Variants in NOL9 observed in about 807,000 individuals in gnomAD.
The protein encoded by NOL9 is polynucleotide 5'-hydroxyl-kinase NOL9.
Under a neutral mutation model 67.9 loss-of-function variants are expected in NOL9, and 28 were observed. The observed-to-expected ratio is 0.41, with a 90% CI of 0.31 to 0.57. The LOEUF is 0.57. NOL9 is among the 20% of genes least tolerant of loss of function. The pLI, the probability that NOL9 is intolerant of heterozygous loss-of-function variation, is 0.25. For missense variants in NOL9, 777 were observed against 897.0 expected (o/e 0.87, Z 1.71); for synonymous variants, 356 against 352.2 (o/e 1.01, Z -0.12).
Position 6,540,261 on chromosome 1 carries a change from T to A in NOL9, c.1075+1569A>T, listed in dbSNP as rs1639253342. ...CCTCAGCCTCCCAAGTAGCTGGGAC[T>A]ACAGGCGCCCGCCACTACGCCTGGC... On this transcript the variant is annotated intron_variant, in intron 6 of 11. Transcript: ENST00000377705. Among the ~76,000 whole-genome samples, 5 of 150,818 alleles carry A rather than the reference T, an allele frequency of 3.3e-5. No individual in the cohort carries two copies. The South Asian group carries it at 1.0e-3, about 32-fold the overall frequency.
intron 10 of NOL9, 78 bp downstream of exon 10, chr1:6,528,916 G>T: frequency 7.0e-7 from 1 of 1,428,294 alleles, no homozygotes; most frequent in Non-Finnish European, 9.7e-7. Flanking sequence ...CAGCTACAAG[G>T]TCAAGACCAG....
chr1:6,548,040 T>C (rs939513700), intron 3 of NOL9: 3 of 274,084 alleles, frequency 1.1e-5, no homozygotes, highest in Admixed American at 3.6e-5. Flanking sequence ...GTAATAAAAT[T>C]GTTTGTCTCT....
At position 6,549,668 on chromosome 1, in the gene NOL9, G is replaced by A. The variant is rs201457228; in HGVS notation, c.647C>T (p.Ser216Phe). 2.0e-5 allele frequency: 32 copies of A among 1,614,096 alleles called. No individual in the cohort carries two copies. In the East Asian group the frequency reaches 6.2e-4, roughly 31 times the overall value. Residue 216 changes from serine (S) to phenylalanine (F), a missense_variant, in exon 3 of 12, where the codon TCT (serine) becomes TTT (phenylalanine). Ser to Phe is a radical substitution (Grantham distance 155, BLOSUM62 -2). Coordinates refer to ENST00000377705, the MANE Select transcript of NOL9 (RefSeq NM_024654.5). ...TAGCAACACAATGGAACACTGAGGA[G>A]AAAAATTCTGCATCGACCAACGCCT... is the stretch of plus-strand genomic sequence containing the variant. ...DDRRWSMQNF[S>F]PQCSIVLLEH...
intron 6 of NOL9, among the ~76,000 whole-genome samples, chr1:6,534,132 C>T (rs1337811859): frequency 2.6e-5 from 4 of 152,166 alleles, no homozygotes; most frequent in Non-Finnish European, 5.9e-5. Flanking sequence ...GGTGATCCAC[C>T]CACCTCAGCC....
chr1:6,538,453 C>T (rs1162756176), intron 6 of NOL9, among the ~76,000 whole-genome samples: 2 of 152,114 alleles, frequency 1.3e-5, no homozygotes, highest in Admixed American at 6.6e-5. Flanking sequence ...AGGTGGATCA[C>T]CTGAGGTCAG....
At chr1:6,547,972 C>A in intron 3 of NOL9, 1 of 274,268 alleles carries the variant, frequency 3.6e-6, no homozygotes, top group South Asian at 3.9e-5. Flanking sequence ...CTACAATACA[C>A]CGTCATAGGC....
chr1:6,530,176 G>A (rs1028043781), intron 9 of NOL9, among the ~76,000 whole-genome samples: 1 of 152,124 alleles, frequency 6.6e-6, no homozygotes, highest in East Asian at 1.9e-4. Flanking sequence ...AATGTGGGCC[G>A]GGTGCAGAGG....
intron 2 of NOL9, among the ~76,000 whole-genome samples, chr1:6,549,899 T>C (rs548022213): frequency 6.6e-6 from 1 of 152,338 alleles, no homozygotes; most frequent in South Asian, 2.1e-4. Context: ...ATAATAATTC[T>C]GTGGCCTTGA....
chr1:6,532,618 G>A lies in NOL9; in HGVS notation c.1380C>T (p.Ser460=). The A allele has an allele frequency of 6.2e-7, 1 of 1,614,164 alleles. No individual in the cohort carries two copies. The highest frequency in any genetic ancestry group is 8.5e-7 in the Non-Finnish European group (1 of 1,180,046). ...AACGTCGATTTCTCATCTTGGTCTTGCTTTTTGTGTACAAGCCATCCATGT... is the reference window on the plus strand; with the variant it reads ...AACGTCGATTTCTCATCTTGGTCTTACTTTTTGTGTACAAGCCATCCATGT... ...VDDMDGLYTK[S]KTKMRNRRFR... The change falls in exon 8 of 12, where the codon AGC becomes AGT. Residue 460 remains serine, a synonymous_variant. Transcript: ENST00000377705.
At chr1:6,542,660 T>C (rs540257228) in intron 5 of NOL9, among the ~76,000 whole-genome samples, 9 of 151,242 alleles carry the variant, frequency 6.0e-5, no homozygotes, top group African/African-American at 2.2e-4. Context: ...GGTTTCACAG[T>C]GTTAGCCAGG....
chr1:6,542,301 C>T (rs1639312402), intron 5 of NOL9, among the ~76,000 whole-genome samples: 1 of 151,696 alleles, frequency 6.6e-6, no homozygotes, highest in Admixed American at 6.6e-5. Flanking sequence ...GCTGGGACTA[C>T]AGGCACCCAC....
At chr1:6,544,713 G>A in intron 5 of NOL9, 113 bp downstream of exon 5, 2 of 1,074,408 alleles carry the variant, frequency 1.9e-6, no homozygotes, top group Non-Finnish European at 2.8e-6. Flanking sequence ...GGCAGCTTTA[G>A]ACCTGTATGT....
chr1:6,525,792 G>T lies in NOL9; in HGVS notation c.*62C>A. 2 of 1,556,020 alleles carry T rather than the reference G, an allele frequency of 1.3e-6. No homozygotes were observed. The highest frequency in any genetic ancestry group is 1.8e-6 in the Non-Finnish European group (2 of 1,130,128). On this transcript the variant is annotated 3_prime_UTR_variant, in exon 12 of 12. Transcript: ENST00000377705. ...CATGAAACTCCATCATGTCTCTTGT[G>T]GTCAGGCTTGAGACAAAGCTTTCTG...
At chr1:6,527,364 T>C (rs1006781008) in intron 10 of NOL9, among the ~76,000 whole-genome samples, 1 of 151,768 alleles carries the variant, frequency 6.6e-6, no homozygotes, top group Non-Finnish European at 1.5e-5. Context: ...AAGTCCTAGA[T>C]TGGGCCAGCT....
intron 6 of NOL9, among the ~76,000 whole-genome samples, chr1:6,540,079 G>A (rs577237361): frequency 2.7e-5 from 4 of 150,816 alleles, no homozygotes; most frequent in East Asian, 2.0e-4. Flanking sequence ...TCTCCCTCCC[G>A]GGTTCAAGCG....
In NOL9 at chr1:6,554,491, C is replaced by T. The variant is rs748556093; in HGVS notation, c.12G>A (p.Ser4=). Residue 4 remains serine (S), a synonymous_variant, in exon 1 of 12, where the codon TCG becomes TCA. Transcript: ENST00000377705. ...AGGAACCCCGCTTTAGCAGCAGTCC[C>T]GAGTCCGCCATGCTGGGTCCTCAGG... MAD[S]GLLLKRGSCR... is the part of the protein sequence containing the mutation. The T allele has an allele frequency of 5.8e-6, 9 of 1,541,770 alleles. No individual in the cohort carries two copies. Among genetic ancestry groups the T allele is most frequent in the Non-Finnish European group, 7.8e-6 (9 of 1,157,572 alleles).
chr1:6,541,688 A>T (rs974770848), intron 6 of NOL9, 142 bp downstream of exon 6: 6 of 419,960 alleles, frequency 1.4e-5, no homozygotes, highest in Non-Finnish European at 1.6e-5. Context: ...AGGTTAGAGG[A>T]ACAAGTTATG....
intron 10 of NOL9, among the ~76,000 whole-genome samples, chr1:6,527,342 G>A (rs1485608829): frequency 6.6e-6 from 1 of 151,324 alleles, no homozygotes; most frequent in Non-Finnish European, 1.5e-5. Context: ...AACAAAAATG[G>A]TCTACATGCA....
chr1:6,526,157 C>T (rs925632556), intron 11 of NOL9, among the ~76,000 whole-genome samples, 154 bp from the exon 12 acceptor site: 1 of 152,094 alleles, frequency 6.6e-6, no homozygotes, highest in African/African-American at 2.4e-5. Context: ...TTCAGAGCCC[C>T]CTTTAATCAA....
Sources: allele counts gnomAD v4.1 joint callset (sites outside exome capture counted in the v4.1 genomes callset), GRCh38; gene constraint gnomAD v4.1.1; transcripts MANE v1.5; gene names NCBI Gene and HGNC (gene_info 2026-07-23, HGNC 2026-07-21).